DACH1: variants seen among roughly 807,000 people sequenced by gnomAD.
DACH1 encodes the protein dachshund homolog 1.
Under a neutral mutation model 54.2 loss-of-function variants are expected in DACH1, and 12 were observed. That is an observed-to-expected ratio of 0.22 (90% CI 0.14 to 0.36). DACH1 has a LOEUF of 0.36. Among genes scored for constraint, DACH1 ranks in the 10% least tolerant of loss-of-function variants. The probability of loss-of-function intolerance (pLI) is 1.00; values close to 1 mark genes in which losing one functional copy is unlikely to be tolerated. For synonymous variants in DACH1, 386 were observed against 366.2 expected, an observed-to-expected ratio of 1.05 and a Z score of -0.62; for missense variants, 805 against 929.8, an observed-to-expected ratio of 0.87 and a Z score of 1.75.
At chr13:71,759,873 C>CAAAG (rs1566483725) in intron 1 of DACH1, among the ~76,000 whole-genome samples, 1 of 152,056 alleles carries the variant, frequency 6.6e-6, no homozygotes, top group African/African-American at 2.4e-5. Flanking sequence ...ACTTAGAGAA[C>CAAAG]AAAGGGCCCT....
chr13:71,589,799 T>G (rs1316191030), intron 3 of DACH1, among the ~76,000 whole-genome samples: 1 of 152,000 alleles, frequency 6.6e-6, no homozygotes, highest in Non-Finnish European at 1.5e-5. Context: ...CAAAATTTGC[T>G]AACTTAATAT....
At chr13:71,768,546 A>G (rs1056177594) in intron 1 of DACH1, among the ~76,000 whole-genome samples, 1 of 151,972 alleles carries the variant, frequency 6.6e-6, no homozygotes, top group Admixed American at 6.5e-5. Context: ...AATAAATAAG[A>G]TGTTTTTAAA....
intron 1 of DACH1, among the ~76,000 whole-genome samples, chr13:71,855,645 T>C (rs915996197): frequency 6.6e-6 from 1 of 151,996 alleles, no homozygotes; most frequent in Non-Finnish European, 1.5e-5. Flanking sequence ...AAAATATCTT[T>C]TATGCATCCA....
intron 1 of DACH1, among the ~76,000 whole-genome samples, chr13:71,774,989 A>C (rs967075358): frequency 2.6e-5 from 4 of 151,996 alleles, no homozygotes; most frequent in Admixed American, 6.6e-5. Context: ...AAGGTGCTAC[A>C]AGAATGCTCC....
At chr13:71,793,778 C>T (rs1050083752) in intron 1 of DACH1, among the ~76,000 whole-genome samples, 6 of 152,274 alleles carry the variant, frequency 3.9e-5, no homozygotes, top group African/African-American at 1.4e-4. Flanking sequence ...CCTCCCACCT[C>T]AGCCTCCCAA....
chr13:71,782,963 A>G (rs1392642044), intron 1 of DACH1, among the ~76,000 whole-genome samples: 1 of 152,188 alleles, frequency 6.6e-6, no homozygotes. Context: ...TCAAGCCATT[A>G]TCACAGGAAG....
intron 2 of DACH1, among the ~76,000 whole-genome samples, chr13:71,656,147 C>A (rs1033917145): frequency 7.9e-5 from 12 of 152,046 alleles, no homozygotes; most frequent in Non-Finnish European, 2.9e-5. Context: ...TCAGTCCAGT[C>A]CCACAAGATA....
intron 1 of DACH1, among the ~76,000 whole-genome samples, chr13:71,699,435 T>G (rs1171174783): frequency 2.0e-5 from 3 of 152,240 alleles, no homozygotes; most frequent in South Asian, 4.1e-4. Flanking sequence ...CAATGAATTT[T>G]ATTCAATCTC....
chr13:71,529,450 G>A (rs191070289), intron 6 of DACH1, among the ~76,000 whole-genome samples: 1 of 152,172 alleles, frequency 6.6e-6, no homozygotes, highest in East Asian at 1.9e-4. Flanking sequence ...CTCCCAAAGT[G>A]CTGGGATTAC....
At chr13:71,689,417 A>T (rs1248066540) in intron 1 of DACH1, among the ~76,000 whole-genome samples, 7 of 152,176 alleles carry the variant, frequency 4.6e-5, no homozygotes, top group Non-Finnish European at 1.0e-4. Flanking sequence ...AAAGCAGGTG[A>T]TCATCTAACT....
In DACH1 at chr13:71,866,386, G is replaced by A. The variant is rs570761836; in HGVS notation, c.384C>T (p.Val128=). Residue 128 remains valine, a synonymous_variant, in exon 1 of 11, where the codon GTC becomes GTT. Transcript: ENST00000613252. The part of the protein sequence containing the change: ...GGGGISAGGG[V]ASSTPINAST... ...TGGCGTTGATGGGGGTGCTGGAAGC[G>A]ACGCCGCCGCCAGCGCTGATGCCGC... The A allele has an allele frequency of 2.7e-6, 4 of 1,495,266 alleles. No individual in the cohort carries two copies. Among genetic ancestry groups the A allele is most frequent in the East Asian group, 5.2e-5 (2 of 38,146 alleles). 92.6% of individuals were successfully genotyped at this position (1,495,266 alleles called of 1,614,324 possible).
intron 6 of DACH1, among the ~76,000 whole-genome samples, chr13:71,535,084 A>T (rs916608053): frequency 6.6e-6 from 1 of 151,850 alleles, no homozygotes; most frequent in African/African-American, 2.4e-5. Context: ...AAACTATTTT[A>T]ATAAATATTA....
intron 3 of DACH1, among the ~76,000 whole-genome samples, chr13:71,605,391 A>G (rs1735843385): frequency 6.6e-6 from 1 of 151,810 alleles, no homozygotes; most frequent in African/African-American, 2.4e-5. Context: ...TTTAATATCA[A>G]AAGATATGTT....
chr13:71,856,709 G>A (rs1466538995), intron 1 of DACH1, among the ~76,000 whole-genome samples: 1 of 151,898 alleles, frequency 6.6e-6, no homozygotes, highest in African/African-American at 2.4e-5. Flanking sequence ...TGCAAAAAAT[G>A]TATGCCTGCT....
intron 6 of DACH1, among the ~76,000 whole-genome samples, chr13:71,555,994 C>T (rs965299594): frequency 1.3e-5 from 2 of 152,138 alleles, no homozygotes; most frequent in Non-Finnish European, 2.9e-5. Context: ...TAGAAATATA[C>T]TCCTTCTCTC....
intron 6 of DACH1, among the ~76,000 whole-genome samples, chr13:71,530,842 G>T (rs1158661827): frequency 6.6e-6 from 1 of 152,086 alleles, no homozygotes; most frequent in Non-Finnish European, 1.5e-5. Flanking sequence ...TCTTTCATCT[G>T]TAAAAATAAT....
chr13:71,653,036 T>A (rs887128192), intron 2 of DACH1, among the ~76,000 whole-genome samples: 1 of 152,152 alleles, frequency 6.6e-6, no homozygotes, highest in Non-Finnish European at 1.5e-5. Context: ...AAGTCCAGAT[T>A]CGGAAGCTTA....
intron 1 of DACH1, among the ~76,000 whole-genome samples, chr13:71,715,400 T>A (rs1168142257): frequency 6.6e-6 from 1 of 152,120 alleles, no homozygotes; most frequent in African/African-American, 2.4e-5. Context: ...GAGCATTTAA[T>A]AAGAATGTGA....
intron 1 of DACH1, among the ~76,000 whole-genome samples, chr13:71,806,727 C>T (rs569448249): frequency 6.6e-6 from 1 of 152,242 alleles, no homozygotes; most frequent in African/African-American, 2.4e-5. Context: ...TACTTTTGGC[C>T]TACCTATCGT....
Sources: gnomAD v4.1 joint callset for allele counts (sites outside exome capture counted in the v4.1 genomes callset) on GRCh38, gnomAD v4.1.1 for gene constraint, MANE v1.5 for transcripts, NCBI Gene and HGNC (gene_info 2026-07-23, HGNC 2026-07-21) for gene names.